Variants in MAP3K1 observed in about 807,000 individuals in gnomAD.
MAP3K1 encodes mitogen-activated protein kinase kinase kinase 1.
MAP3K1 carries 36 observed loss-of-function variants against 144.2 expected under a neutral mutation model. That is an observed-to-expected ratio of 0.25 (90% CI 0.19 to 0.33). The LOEUF (loss-of-function observed/expected upper bound fraction) is 0.33, where lower values mean the gene tolerates loss of function less well. Among genes scored for constraint, MAP3K1 ranks in the 10% least tolerant of loss-of-function variants. The probability of loss-of-function intolerance (pLI) is 1.00; values close to 1 mark genes in which losing one functional copy is unlikely to be tolerated. For synonymous variants in MAP3K1, 718 were observed against 688.7 expected, an observed-to-expected ratio of 1.04 and a Z score of -0.67; for missense variants, 1,650 against 1,881.9, an observed-to-expected ratio of 0.88 and a Z score of 2.28.
Position 56,815,585 on chromosome 5 carries a change from G to C in MAP3K1, c.12G>C (p.Ala4=). ...GCCCGCGAGAGAAAATGGCGGCGGC[G>C]GCGGGGAATCGCGCCTCGTCGTCGG... The part of the protein sequence containing the change: MAA[A]AGNRASSSGF... The change falls in exon 1 of 20, where the codon GCG becomes GCC. Residue 4 remains alanine, a synonymous_variant. Transcript: ENST00000399503. 1 of 1,298,626 alleles carries C rather than the reference G, an allele frequency of 7.7e-7. No homozygotes were observed. Among genetic ancestry groups the C allele is most frequent in the Non-Finnish European group, 9.7e-7 (1 of 1,026,432 alleles). 80.4% of individuals were successfully genotyped at this position (1,298,626 alleles called of 1,614,324 possible). A position where few individuals can be genotyped will look rare whatever the true frequency, so the allele number is the denominator to read the frequency against.
At position 56,884,485 on chromosome 5, in the gene MAP3K1, T is replaced by C. The variant is rs2111953869; in HGVS notation, c.3820-179T>C. Among the ~76,000 whole-genome samples, 3 of 152,366 alleles carry C rather than the reference T, an allele frequency of 2.0e-5. No homozygotes were observed. The Middle Eastern group carries it at 0.01, about 518-fold the overall frequency. On this transcript the variant is annotated intron_variant, in intron 15 of 19. Coordinates refer to ENST00000399503, the MANE Select transcript of MAP3K1 (RefSeq NM_005921.2). ...TTGTCATTTTTCTGATGTTTACTGC[T>C]GCTTAAGCTAGATTCTTAGTGTTTA... is the stretch of plus-strand genomic sequence containing the variant.
chr5:56,816,813 G>A (rs1027482196), intron 1 of MAP3K1, among the ~76,000 whole-genome samples: 2 of 152,252 alleles, frequency 1.3e-5, no homozygotes, highest in African/African-American at 4.8e-5. Flanking sequence ...GTGTTCCTGG[G>A]AATGCGAACT....
At chr5:56,847,726 T>C (rs1198018225) in intron 1 of MAP3K1, among the ~76,000 whole-genome samples, 2 of 152,222 alleles carry the variant, frequency 1.3e-5, no homozygotes, top group Non-Finnish European at 2.9e-5. Flanking sequence ...TTTTAAAAAA[T>C]GTACTTCATG....
Position 56,875,270 on chromosome 5 carries a change from T to C in MAP3K1, c.1925T>C (p.Val642Ala), listed in dbSNP as rs866945834. 6.2e-7 allele frequency: 1 copy of C among 1,614,152 alleles called. No individual in the cohort carries two copies. Among genetic ancestry groups the C allele is most frequent in the Non-Finnish European group, 8.5e-7 (1 of 1,180,004 alleles). ...VEACCSVLSM[V>A]CADPVYKVYV... ...GCATGCTGCAGCGTTCTGTCAATGG[T>C]CTGTGCTGACCCTGTCTACAAAGTG... is the stretch of plus-strand genomic sequence containing the variant. Residue 642 changes from valine (V) to alanine (A), a missense_variant, in exon 10 of 20, where the codon GTC (valine) becomes GCC (alanine). By Grantham distance (64) the Val-to-Ala change is moderately conservative. Coordinates refer to ENST00000399503, the MANE Select transcript of MAP3K1 (RefSeq NM_005921.2).
chr5:56,861,643 A>G (rs1488225205), intron 3 of MAP3K1, among the ~76,000 whole-genome samples: 2 of 152,078 alleles, frequency 1.3e-5, no homozygotes, highest in Non-Finnish European at 2.9e-5. Flanking sequence ...CATGAGGCCA[A>G]ACTTTCTTTC....
At position 56,872,811 on chromosome 5, in the gene MAP3K1, A is replaced by T; in HGVS notation, c.1506-14A>T. On this transcript the variant is annotated splice_polypyrimidine_tract_variant and intron_variant, in intron 8 of 19. Transcript: ENST00000399503. ...TAATTTTTTTAAAGCAAGTTTTGTT[A>T]TTTTTCATTTTAGCCACGAGTTGTC... 6 of 1,613,944 alleles carry T rather than the reference A, an allele frequency of 3.7e-6. No individual in the cohort carries two copies. Among genetic ancestry groups the T allele is most frequent in the Non-Finnish European group, 5.1e-6 (6 of 1,179,898 alleles).
chr5:56,874,290 T>A (rs1265631952), intron 9 of MAP3K1, among the ~76,000 whole-genome samples: 1 of 152,230 alleles, frequency 6.6e-6, no homozygotes. Flanking sequence ...TTAAGCTTAC[T>A]TTTAGCTAAT....
chr5:56,841,072 T>C (rs1000670430), intron 1 of MAP3K1, among the ~76,000 whole-genome samples: 6 of 152,064 alleles, frequency 3.9e-5, no homozygotes, highest in African/African-American at 1.4e-4. Flanking sequence ...GAGATGGGGT[T>C]TTGCCATATT....
chr5:56,855,607 T>C (rs1747321320), intron 1 of MAP3K1, among the ~76,000 whole-genome samples: 1 of 152,210 alleles, frequency 6.6e-6, no homozygotes, highest in Non-Finnish European at 1.5e-5. Context: ...AAGATCGTAC[T>C]TCATAGTTGT....
In MAP3K1 at chr5:56,884,701, A is replaced by T. The variant is rs371578161; in HGVS notation, c.3857A>T (p.Glu1286Val). The change falls in exon 16 of 20, where the codon GAA becomes GTA. Residue 1286 changes from glutamate to valine, a missense_variant. Physicochemically the swap from Glu to Val is moderately radical, Grantham distance 121. Coordinates refer to ENST00000399503, the MANE Select transcript of MAP3K1 (RefSeq NM_005921.2). The stretch of plus-strand genomic sequence containing the variant: ...AGAAACACATCTTCTGAGCAAGAAG[A>T]AGTAGTAGAAGCACTAAGAGAAGAG... ...YVRNTSSEQE[E>V]VVEALREEIR... 1.2e-4 allele frequency: 190 copies of T among 1,613,762 alleles called. No individual in the cohort carries two copies. Among genetic ancestry groups the T allele is most frequent in the Non-Finnish European group, 1.2e-4 (147 of 1,179,884 alleles).
At chr5:56,891,651 C>G (rs1331523401) in intron 19 of MAP3K1, among the ~76,000 whole-genome samples, 1 of 152,146 alleles carries the variant, frequency 6.6e-6, no homozygotes, top group African/African-American at 2.4e-5. Context: ...AGGTTTTCTT[C>G]TAGGGTTTTT....
intron 1 of MAP3K1, chr5:56,820,774 G>C: frequency 1.0e-6 from 1 of 985,426 alleles, no homozygotes. Context: ...GTGGTCTTGA[G>C]TGGTGGAGAA....
chr5:56,850,354 G>A (rs1468754673), intron 1 of MAP3K1, among the ~76,000 whole-genome samples: 2 of 152,016 alleles, frequency 1.3e-5, no homozygotes, highest in Non-Finnish European at 1.5e-5. Flanking sequence ...ATCAAGATAC[G>A]GAAATCTTAA....
Position 56,882,747 on chromosome 5 carries a change from G to A in MAP3K1, c.3547G>A (p.Ala1183Thr). Residue 1183 changes from alanine to threonine, a missense_variant, in exon 14 of 20, where the codon GCT becomes ACT. Coordinates refer to ENST00000399503, the MANE Select transcript of MAP3K1 (RefSeq NM_005921.2). ...TCAAAAGTGCAAAGAGAAGATGGAA[G>A]CTGAAGAAGAAGAAGCTTTAGCAAT... Reference protein sequence around the residue: ...HNQKCKEKMEAEEEEALAIAM... With the variant: ...HNQKCKEKMETEEEEALAIAM... 2.5e-6 allele frequency: 4 copies of A among 1,612,430 alleles called. No homozygotes were observed. The highest frequency in any genetic ancestry group is 3.4e-6 in the Non-Finnish European group (4 of 1,179,158).
intron 1 of MAP3K1, chr5:56,820,481 A>C: frequency 1.0e-6 from 1 of 985,050 alleles, no homozygotes; most frequent in South Asian, 4.7e-5. Flanking sequence ...TGTATATAAT[A>C]GGTATGTTTC....
chr5:56,830,511 G>C (rs1159139799), intron 1 of MAP3K1, among the ~76,000 whole-genome samples: 1 of 152,078 alleles, frequency 6.6e-6, no homozygotes, highest in African/African-American at 2.4e-5. Context: ...TGGTGTTCCA[G>C]GTTCAGTAAG....
chr5:56,893,568 A>G lies in MAP3K1; in HGVS notation c.4427A>G (p.His1476Arg). The change falls in exon 20 of 20, where the codon CAT becomes CGT. Residue 1476 changes from histidine to arginine, a missense_variant. Physicochemically the swap from His to Arg is conservative, Grantham distance 29. This residue lies in a region of MAP3K1 where 165 missense variants were observed against 322.9 expected (regional missense o/e 0.51). Coordinates refer to ENST00000399503, the MANE Select transcript of MAP3K1 (RefSeq NM_005921.2). Reference protein sequence around the residue: ...SATTAPSIPSHLSPGLRDVAL... With the variant: ...SATTAPSIPSRLSPGLRDVAL... Reference sequence around the variant, plus strand: ...ACTACTGCTCCATCGATCCCTTCACATTTGTCTCCTGGTTTACGAGATGTG... The same window carrying G: ...ACTACTGCTCCATCGATCCCTTCACGTTTGTCTCCTGGTTTACGAGATGTG... The G allele has an allele frequency of 1.2e-6, 2 of 1,613,958 alleles. No homozygotes were observed. The highest frequency in any genetic ancestry group is 1.1e-5 in the South Asian group (1 of 91,076).
rs1252289328 is a variant in MAP3K1 at position 56,815,784 on chromosome 5, G to C, written c.211G>C (p.Asp71His). Residue 71 changes from aspartate to histidine, a missense_variant, in exon 1 of 20, where the codon GAC (aspartate) becomes CAC (histidine). By Grantham distance (81) the Asp-to-His change is moderately conservative. Around this residue, in one of 6 missense-constraint regions of MAP3K1, gnomAD observed 360 missense variants for 274.7 expected, o/e 1.31. Transcript: ENST00000399503. ...GCGCAAAGTGCGGAGTGTGGAGCTG[G>C]ACCAGCTGCCTGAGCAGCCGCTCTT... is the stretch of plus-strand genomic sequence containing the variant. ...QLRKVRSVEL[D>H]QLPEQPLFLA... is the part of the protein sequence containing the mutation. 1 of 1,420,636 alleles carries C rather than the reference G, an allele frequency of 7.0e-7. No homozygotes were observed. Among genetic ancestry groups the C allele is most frequent in the Admixed American group, 2.5e-5 (1 of 40,384 alleles). 88.0% of individuals were successfully genotyped at this position (1,420,636 alleles called of 1,614,324 possible).
chr5:56,845,305 C>A (rs997114946), intron 1 of MAP3K1, among the ~76,000 whole-genome samples: 2 of 152,182 alleles, frequency 1.3e-5, no homozygotes, highest in African/African-American at 4.8e-5. Context: ...CCAAAGGTAA[C>A]AAGTAAACAT....
Sources: allele counts gnomAD v4.1 joint callset (sites outside exome capture counted in the v4.1 genomes callset), GRCh38; gene constraint gnomAD v4.1.1; regional missense constraint gnomAD v4.1.1; transcripts MANE v1.5; gene names NCBI Gene and HGNC (gene_info 2026-07-23, HGNC 2026-07-21).